Variants in VAV3 observed in about 807,000 individuals in gnomAD.
The protein encoded by VAV3 is vav guanine nucleotide exchange factor 3.
VAV3 carries 94 observed loss-of-function variants against 131.2 expected under a neutral mutation model. That is an observed-to-expected ratio of 0.72 (90% confidence interval 0.61 to 0.85). The LOEUF (loss-of-function observed/expected upper bound fraction) is 0.85, where lower values mean the gene tolerates loss of function less well. VAV3 is among the 40% of genes least tolerant of loss of function. The probability of loss-of-function intolerance (pLI) is 0.00; values close to 1 mark genes in which losing one functional copy is unlikely to be tolerated. For missense variants in VAV3, 939 were observed against 1,002.7 expected (o/e 0.94, Z 0.86); for synonymous variants, 349 against 342.0 (o/e 1.02, Z -0.22).
chr1:107,862,570 A>G (rs1026945995), intron 2 of VAV3: 11 of 151,606 alleles, frequency 7.3e-5, no homozygotes, highest in African/African-American at 2.7e-4. Context: ...TATATCACCC[A>G]CTGGAATTAA....
chr1:107,757,153 ATGTGTG>A (rs34437461), intron 11 of VAV3, 102 bp downstream of exon 11: 8,155 of 588,232 alleles, frequency 0.014, 117 homozygotes, highest in African/African-American at 0.07. Flanking sequence ...ATGTGTGTAT[ATGTGTG>A]TGTGTGTGTG....
chr1:107,688,339 A>C, intron 18 of VAV3, 42 bp downstream of exon 18: 1 of 1,601,848 alleles, frequency 6.2e-7, no homozygotes, highest in Admixed American at 1.7e-5. Flanking sequence ...AAACAACTTG[A>C]AATGCAAAGG....
intron 2 of VAV3, among the ~76,000 whole-genome samples, chr1:107,859,614 T>G (rs1215972881): frequency 2.0e-5 from 3 of 152,012 alleles, no homozygotes; most frequent in Non-Finnish European, 4.4e-5. Flanking sequence ...CTTTTAAAAA[T>G]CCCCTAAATT....
Position 107,751,218 on chromosome 1 carries a change from C to T in VAV3, c.1174-16G>A, listed in dbSNP as rs1270924735. ...CTGGTTGGTTCTAAAATATAAAATG[C>T]ACATGTCAGAGTTTTTCATAATCAC... On this transcript the variant is annotated splice_polypyrimidine_tract_variant and intron_variant, in intron 12 of 26. Coordinates refer to ENST00000370056, the MANE Select transcript of VAV3 (RefSeq NM_006113.5). The T allele has an allele frequency of 6.9e-6, 11 of 1,593,348 alleles. No homozygotes were observed. The highest frequency in any genetic ancestry group is 9.4e-6 in the Non-Finnish European group (11 of 1,168,722).
intron 22 of VAV3, 57 bp downstream of exon 22, chr1:107,609,874 C>T (rs1209994437): frequency 6.4e-7 from 1 of 1,558,038 alleles, no homozygotes; most frequent in African/African-American, 1.4e-5. Context: ...TTTAAGGCAT[C>T]CTGGAGCTAA....
intron 19 of VAV3, among the ~76,000 whole-genome samples, chr1:107,659,952 C>T (rs1038052385): frequency 6.6e-6 from 1 of 152,146 alleles, no homozygotes; most frequent in African/African-American, 2.4e-5. Context: ...TTCTTAATGG[C>T]AAACATTTAT....
intron 2 of VAV3, among the ~76,000 whole-genome samples, chr1:107,815,656 T>C (rs548795856): frequency 3.7e-4 from 56 of 152,358 alleles, no homozygotes; most frequent in African/African-American, 1.3e-3. Context: ...AGTAAACTGC[T>C]TCTTTAAAGA....
At chr1:107,743,225 G>A (rs961833325) in intron 15 of VAV3, among the ~76,000 whole-genome samples, 10 of 152,114 alleles carry the variant, frequency 6.6e-5, no homozygotes, top group African/African-American at 2.2e-4. Flanking sequence ...TTCTAAGAGG[G>A]GCAGATCACT....
At chr1:107,647,664 T>A (rs1655836234) in intron 19 of VAV3, among the ~76,000 whole-genome samples, 1 of 151,996 alleles carries the variant, frequency 6.6e-6, no homozygotes, top group Non-Finnish European at 1.5e-5. Context: ...TTCTATAAAT[T>A]TCCTAGGTGT....
intron 6 of VAV3, among the ~76,000 whole-genome samples, chr1:107,769,560 G>A (rs1557834748): frequency 6.6e-6 from 1 of 152,198 alleles, no homozygotes; most frequent in Non-Finnish European, 1.5e-5. Context: ...CTTAGTCCCA[G>A]GGCCTTAATG....
chr1:107,652,297 G>C (rs1197082664), intron 19 of VAV3, among the ~76,000 whole-genome samples: 1 of 152,078 alleles, frequency 6.6e-6, no homozygotes, highest in Non-Finnish European at 1.5e-5. Flanking sequence ...ACCCTACATG[G>C]TTTAAAAAGG....
At chr1:107,817,346 T>C (rs1320319605) in intron 2 of VAV3, among the ~76,000 whole-genome samples, 1 of 151,562 alleles carries the variant, frequency 6.6e-6, no homozygotes, top group Non-Finnish European at 1.5e-5. Flanking sequence ...CAAAACTAGA[T>C]GCATGAGATG....
rs1182554391 is a variant in VAV3 at position 107,759,974 on chromosome 1, G to A, written c.1017+810C>T. ...GTTTAGGTCTCATAAATGTTTTAAT[G>A]CATTTTTAAGGAATAATCAGGGTTT... On this transcript the variant is annotated intron_variant, in intron 10 of 26. Coordinates refer to ENST00000370056, the MANE Select transcript of VAV3 (RefSeq NM_006113.5). Among the ~76,000 whole-genome samples, 3 of 151,998 alleles carry A rather than the reference G, an allele frequency of 2.0e-5. No individual in the cohort carries two copies. In the South Asian group the frequency reaches 6.2e-4, roughly 31 times the overall value.
At chr1:107,606,741 C>T (rs1272491813) in intron 22 of VAV3, among the ~76,000 whole-genome samples, 1 of 144,162 alleles carries the variant, frequency 6.9e-6, no homozygotes, top group Admixed American at 6.9e-5. Flanking sequence ...TAAGTTTTCT[C>T]TTAATTTTGA....
At chr1:107,821,797 GT>G (rs1291372626) in intron 2 of VAV3, among the ~76,000 whole-genome samples, 2 of 152,210 alleles carry the variant, frequency 1.3e-5, no homozygotes, top group African/African-American at 4.8e-5. Context: ...AGTTAGTAAT[GT>G]AACCGAAATG....
intron 17 of VAV3, among the ~76,000 whole-genome samples, chr1:107,694,276 T>C (rs576050461): frequency 6.6e-6 from 1 of 152,216 alleles, no homozygotes; most frequent in South Asian, 2.1e-4. Context: ...GAAAGGGTGG[T>C]CCTTGGAACT....
chr1:107,853,340 T>C (rs17020181), intron 2 of VAV3, among the ~76,000 whole-genome samples: 13,026 of 152,230 alleles, frequency 0.086, 805 homozygotes, highest in East Asian at 0.24. Flanking sequence ...TGCTGCAACA[T>C]AGGAGACAAG....
intron 25 of VAV3, among the ~76,000 whole-genome samples, chr1:107,595,571 C>T (rs1651310966): frequency 1.3e-5 from 2 of 152,072 alleles, no homozygotes; most frequent in Admixed American, 6.6e-5. Context: ...TTGTTACATG[C>T]TCTATCTCCA....
At chr1:107,904,340 G>A (rs906116715) in intron 1 of VAV3, among the ~76,000 whole-genome samples, 22 of 152,122 alleles carry the variant, frequency 1.4e-4, no homozygotes, top group African/African-American at 5.3e-4. Context: ...TACCAAACAT[G>A]AACAGTCTTA....
Sources: allele counts gnomAD v4.1 joint callset (sites outside exome capture counted in the v4.1 genomes callset), GRCh38; gene constraint gnomAD v4.1.1; transcripts MANE v1.5; gene names NCBI Gene and HGNC (gene_info 2026-07-23, HGNC 2026-07-21).